Variants in SLC36A1 observed in about 807,000 individuals in gnomAD.
SLC36A1 encodes proton-coupled amino acid transporter 1.
Under a neutral mutation model 47.5 loss-of-function variants are expected in SLC36A1, and 30 were observed. That is an observed-to-expected ratio of 0.63 (90% CI 0.47 to 0.86). SLC36A1 has a LOEUF of 0.86. Among genes scored for constraint, SLC36A1 ranks in the 40% least tolerant of loss-of-function variants. The probability of loss-of-function intolerance (pLI) is 0.00; values close to 1 mark genes in which losing one functional copy is unlikely to be tolerated. For synonymous variants in SLC36A1, 255 were observed against 249.7 expected, an observed-to-expected ratio of 1.02 and a Z score of -0.20; for missense variants, 517 against 606.0, an observed-to-expected ratio of 0.85 and a Z score of 1.54.
the SLC36A1 span, among the ~76,000 whole-genome samples, chr5:151,373,106 T>A: frequency 6.6e-6 from 1 of 151,784 alleles, no homozygotes; most frequent in African/African-American, 2.4e-5. Flanking sequence ...CCAAAAATTT[T>A]CAAAAAATAA....
At chr5:151,443,244 ACT>A (rs1752729073), upstream of SLC36A1, among the ~76,000 whole-genome samples, 7 of 152,084 alleles carry the variant, frequency 4.6e-5, no homozygotes, top group South Asian at 1.5e-3. Flanking sequence ...AAACTTTTAC[ACT>A]GTTTTCTATA....
chr5:151,499,326 C>T, the SLC36A1 span, among the ~76,000 whole-genome samples: 9 of 152,292 alleles, frequency 5.9e-5, no homozygotes, highest in East Asian at 1.9e-4. Context: ...CCTTAGACAC[C>T]GCACCACAGG....
At chr5:151,444,755 G>A (rs922277593), upstream of SLC36A1, among the ~76,000 whole-genome samples, 1 of 152,182 alleles carries the variant, frequency 6.6e-6, no homozygotes, top group Non-Finnish European at 1.5e-5. Context: ...AAAGTGCTGG[G>A]ATTACAGGCA....
chr5:151,554,309 G>A, the SLC36A1 span: 1 of 1,516,684 alleles, frequency 6.6e-7, no homozygotes, highest in South Asian at 1.3e-5. Flanking sequence ...CTCAAAGAAG[G>A]CCACTAACCA....
the SLC36A1 span, chr5:151,512,712 G>A: frequency 7.0e-5 from 77 of 1,095,692 alleles, no homozygotes; most frequent in East Asian, 1.9e-3. The surrounding 1 kb of genome is among the most constrained non-coding windows in gnomAD (Gnocchi z 4.1). Context: ...ATGGGTAGGA[G>A]GGGGGTGTTT....
At chr5:151,385,359 T>C in the SLC36A1 span, among the ~76,000 whole-genome samples, 2 of 152,192 alleles carry the variant, frequency 1.3e-5, no homozygotes, top group African/African-American at 4.8e-5. Context: ...CACCTGGCCA[T>C]GTCAGGCAGG....
the SLC36A1 span, chr5:151,517,563 C>G: frequency 2.5e-6 from 4 of 1,606,298 alleles, no homozygotes; most frequent in Admixed American, 3.3e-5. Context: ...TGCCTCACCC[C>G]CTACCTCCCC....
At chr5:151,384,757 G>A in the SLC36A1 span, among the ~76,000 whole-genome samples, 2 of 152,070 alleles carry the variant, frequency 1.3e-5, no homozygotes, top group African/African-American at 4.8e-5. Flanking sequence ...GTTATGTTGA[G>A]CTTAAAATAT....
At chr5:151,363,977 A>G in the SLC36A1 span, among the ~76,000 whole-genome samples, 1 of 152,226 alleles carries the variant, frequency 6.6e-6, no homozygotes, top group Non-Finnish European at 1.5e-5. Context: ...TGTATCCACA[A>G]AATTATTACA....
At chr5:151,378,500 C>A in the SLC36A1 span, 1 of 217,468 alleles carries the variant, frequency 4.6e-6, no homozygotes, top group South Asian at 8.2e-5. Context: ...CACCTTGAGT[C>A]GTGGGAAACA....
At chr5:151,524,149 A>G in the SLC36A1 span, among the ~76,000 whole-genome samples, 1 of 152,086 alleles carries the variant, frequency 6.6e-6, no homozygotes, top group Non-Finnish European at 1.5e-5. Flanking sequence ...CACAAAGAGG[A>G]TCCCTTTTCC....
rs570120679 is a variant in SLC36A1, at chr5:151,448,379, T to C, written c.-6+566T>C. ...ACCTGTGAAAAGGCACTCCTTTCTG[T>C]CCCTTTCTCTTTTAGTCCTCTCCCT... On this transcript the variant is annotated intron_variant, in intron 1 of 10. Coordinates refer to ENST00000243389, the MANE Select transcript of SLC36A1 (RefSeq NM_078483.4). 2.4e-4 allele frequency among the ~76,000 whole-genome samples: 37 copies of C among 152,328 alleles called. 1 individual carries two copies. The highest frequency in any genetic ancestry group is 1.8e-3 in the Admixed American group (28 of 15,308).
At chr5:151,494,923 A>T (rs954127104), downstream of SLC36A1, among the ~76,000 whole-genome samples, 4 of 152,136 alleles carry the variant, frequency 2.6e-5, no homozygotes, top group East Asian at 3.8e-4. Flanking sequence ...ATTTAATTAT[A>T]AAAAAATTAC....
intron 1 of SLC36A1, among the ~76,000 whole-genome samples, chr5:151,438,592 G>A (rs1759916340): frequency 6.6e-6 from 1 of 152,208 alleles, no homozygotes; most frequent in South Asian, 2.1e-4. Context: ...TTTGTTCCAA[G>A]AAGAGGAGTG....
the SLC36A1 span, among the ~76,000 whole-genome samples, chr5:151,354,542 C>T: frequency 2.6e-5 from 4 of 152,278 alleles, no homozygotes; most frequent in African/African-American, 9.6e-5. Context: ...TTTAGAGGCA[C>T]AGAGTCCAAC....
the SLC36A1 span, among the ~76,000 whole-genome samples, chr5:151,385,007 A>AGT: frequency 5.9e-3 from 598 of 102,058 alleles, 6 homozygotes; most frequent in East Asian, 0.035. Flanking sequence ...AGAGAGAGAG[A>AGT]GAGTGTGTGT....
At chr5:151,531,565 G>T in the SLC36A1 span, 6 of 1,611,422 alleles carry the variant, frequency 3.7e-6, no homozygotes, top group Non-Finnish European at 4.2e-6. The surrounding 1 kb of genome is among the most constrained non-coding windows in gnomAD (Gnocchi z 5.7). Flanking sequence ...ATGCTTTGGG[G>T]CTTGGTGGAT....
chr5:151,349,838 A>G, the SLC36A1 span, among the ~76,000 whole-genome samples: 1 of 152,076 alleles, frequency 6.6e-6, no homozygotes, highest in South Asian at 2.1e-4. Context: ...ACAGAGACTC[A>G]GACTTGTTGA....
At chr5:151,552,315 T>C in the SLC36A1 span, among the ~76,000 whole-genome samples, 2 of 151,946 alleles carry the variant, frequency 1.3e-5, no homozygotes, top group African/African-American at 4.8e-5. Flanking sequence ...TTTTAGAGGG[T>C]ACATGCATTA....
Sources: allele counts gnomAD v4.1 joint callset (sites outside exome capture counted in the v4.1 genomes callset), GRCh38; gene constraint gnomAD v4.1.1; non-coding constraint Gnocchi (gnomAD v3.1); transcripts MANE v1.5; gene names NCBI Gene and HGNC (gene_info 2026-07-23, HGNC 2026-07-21).